The following USP45 variants were observed in gnomAD, a reference collection of about 807,000 sequenced individuals.
USP45 encodes the protein ubiquitin carboxyl-terminal hydrolase 45.
Under a neutral mutation model 95.8 loss-of-function variants are expected in USP45, and 89 were observed. The ratio of observed to expected loss-of-function variants is 0.93; its 90% CI spans 0.78 to 1.11. The LOEUF is 1.11. Ranked by LOEUF, USP45 falls within the 50% of genes least tolerant of loss-of-function variation. The probability of loss-of-function intolerance (pLI) is 0.00; values close to 1 mark genes in which losing one functional copy is unlikely to be tolerated. For missense variants in USP45, 898 were observed against 942.5 expected (o/e 0.95, Z 0.62); for synonymous variants, 281 against 316.2 (o/e 0.89, Z 1.18).
intron 5 of USP45, among the ~76,000 whole-genome samples, chr6:99,502,413 G>A (rs1797585413): frequency 6.6e-6 from 1 of 152,132 alleles, no homozygotes; most frequent in African/African-American, 2.4e-5. Context: ...AGAAATGGTA[G>A]GAACCCCCAA....
Position 99,455,869 on chromosome 6 carries a change from T to C in USP45, c.1308+8735A>G, listed in dbSNP as rs1784940490. ...AAAAAGTTGGGGCAGGCGCAGTGGC[T>C]CACACCTGTAATCCCAGCACTTTGG... On this transcript the variant is annotated intron_variant, in intron 13 of 17. Transcript: ENST00000500704. Among the ~76,000 whole-genome samples the C allele has an allele frequency of 3.7e-5, 5 of 133,912 alleles. 1 individual carries two copies. In the South Asian group the frequency reaches 1.3e-3, roughly 35 times the overall value. The allele number at this position is 133,912 out of a possible 152,430, so 87.9% of individuals were successfully genotyped here.
intron 13 of USP45, among the ~76,000 whole-genome samples, chr6:99,457,203 T>C (rs1785296338): frequency 6.6e-6 from 1 of 152,230 alleles, no homozygotes; most frequent in African/African-American, 2.4e-5. Flanking sequence ...GGTCCTGTGA[T>C]CTTGCCCTGC....
At chr6:99,509,696 C>T (rs1395640340) in intron 2 of USP45, among the ~76,000 whole-genome samples, 6 of 144,094 alleles carry the variant, frequency 4.2e-5, no homozygotes, top group Admixed American at 3.5e-4. Context: ...ATAAACTAAA[C>T]AAAATCCTAA....
intron 9 of USP45, among the ~76,000 whole-genome samples, chr6:99,474,115 A>C (rs1790205315): frequency 6.6e-6 from 1 of 152,234 alleles, no homozygotes; most frequent in Non-Finnish European, 1.5e-5. Flanking sequence ...GAAACTTTAA[A>C]GAAAATATTA....
chr6:99,479,449 A>G (rs1583256960), intron 8 of USP45, among the ~76,000 whole-genome samples: 1 of 151,508 alleles, frequency 6.6e-6, no homozygotes, highest in South Asian at 2.1e-4. Context: ...CAGTTCTCCC[A>G]CCTTGGCTCC....
chr6:99,486,566 T>C (rs1255972493), intron 7 of USP45, among the ~76,000 whole-genome samples: 1 of 151,598 alleles, frequency 6.6e-6, no homozygotes, highest in Non-Finnish European at 1.5e-5. Flanking sequence ...TTTTCGACTA[T>C]ATATACATAT....
chr6:99,464,522 G>A, intron 13 of USP45, 82 bp downstream of exon 13: 2 of 1,459,498 alleles, frequency 1.4e-6, no homozygotes, highest in East Asian at 2.3e-5. Context: ...ATTACACTAT[G>A]TTCTCTACTT....
At chr6:99,506,617 G>A (rs1457058248) in intron 4 of USP45, among the ~76,000 whole-genome samples, 1 of 152,060 alleles carries the variant, frequency 6.6e-6, no homozygotes, top group East Asian at 1.9e-4. Context: ...CAAAAAACTT[G>A]TTTTAGTACC....
chr6:99,439,145 A>G (rs1781052167), intron 16 of USP45, among the ~76,000 whole-genome samples: 2 of 152,198 alleles, frequency 1.3e-5, no homozygotes, highest in Admixed American at 1.3e-4. Context: ...ACATACTACA[A>G]AATCTAGACT....
intron 13 of USP45, chr6:99,461,817 T>C (rs1206140069): frequency 2.7e-5 from 27 of 982,722 alleles, no homozygotes; most frequent in Non-Finnish European, 3.3e-5. Context: ...CTATAAAGTT[T>C]GTCACAAATA....
At chr6:99,514,927 G>A (rs1800805882) in intron 1 of USP45, 1 of 152,208 alleles carries the variant, frequency 6.6e-6, no homozygotes, top group Non-Finnish European at 1.5e-5. Flanking sequence ...GTGACTTGCA[G>A]AGGTCCCAAA....
At position 99,507,580 on chromosome 6, in the gene USP45, C is replaced by T. The variant is rs752842432; in HGVS notation, c.274-49G>A. ...TTGTATGACTTACAAATGTTTGTTTCAAATTAATCAAAACTTAAATTATAC... is the reference window on the plus strand; with the variant it reads ...TTGTATGACTTACAAATGTTTGTTTTAAATTAATCAAAACTTAAATTATAC... On this transcript the variant is annotated intron_variant, in intron 3 of 17. Coordinates refer to ENST00000500704, the MANE Select transcript of USP45 (RefSeq NM_001346022.3). The T allele has an allele frequency of 6.2e-6, 8 of 1,289,318 alleles. No homozygotes were observed. The African/African-American group carries it at 8.8e-5, about 14-fold the overall frequency. The allele number at this position is 1,289,318 out of a possible 1,614,324, so 79.9% of individuals were successfully genotyped here.
At chr6:99,489,254 T>C (rs1279450562) in intron 5 of USP45, among the ~76,000 whole-genome samples, 1 of 152,174 alleles carries the variant, frequency 6.6e-6, no homozygotes, top group Admixed American at 6.5e-5. Context: ...TCAAAATGTG[T>C]GATTGGGAAT....
At position 99,502,000 on chromosome 6, in the gene USP45, G is replaced by C. The variant is rs762349637; in HGVS notation, c.478+1765C>G. ...TATGCTGAAGAGATGAATCAGGATGGGGCCTGGCCCTGCCAGAAAGACCAA... is the reference window on the plus strand; with the variant it reads ...TATGCTGAAGAGATGAATCAGGATGCGGCCTGGCCCTGCCAGAAAGACCAA... On this transcript the variant is annotated intron_variant, in intron 5 of 17. Coordinates refer to ENST00000500704, the MANE Select transcript of USP45 (RefSeq NM_001346022.3). The C allele has an allele frequency of 1.2e-5, 15 of 1,300,840 alleles. 1 individual carries two copies. In the South Asian group the frequency reaches 1.9e-4, roughly 16 times the overall value. 80.6% of individuals were successfully genotyped at this position (1,300,840 alleles called of 1,614,324 possible).
At chr6:99,438,638 G>C (rs1780959261) in intron 16 of USP45, among the ~76,000 whole-genome samples, 1 of 152,116 alleles carries the variant, frequency 6.6e-6, no homozygotes, top group African/African-American at 2.4e-5. Flanking sequence ...TTGAAAATAT[G>C]AACACTAGGT....
At chr6:99,501,047 C>T (rs1206057576) in intron 5 of USP45, among the ~76,000 whole-genome samples, 1 of 152,162 alleles carries the variant, frequency 6.6e-6, no homozygotes, top group African/African-American at 2.4e-5. Context: ...TCAAAGGCAA[C>T]TCAAAATTAT....
At position 99,476,185 on chromosome 6, in the gene USP45, A is replaced by C; in HGVS notation, c.891T>G (p.Leu297=). Residue 297 remains leucine, a synonymous_variant, in exon 9 of 18, where the codon CTT becomes CTG. Coordinates refer to ENST00000500704, the MANE Select transcript of USP45 (RefSeq NM_001346022.3). ...TCACTGCATCCAGAAGATAATGAAG[A>C]AGCTCCTGACTGTCCTGTTGCTGGA... The part of the protein sequence containing the change: ...KDFQQQDSQE[L]LHYLLDAVRT... 5 of 1,614,108 alleles carry C rather than the reference A, an allele frequency of 3.1e-6. No homozygotes were observed. Among genetic ancestry groups the C allele is most frequent in the Non-Finnish European group, 3.4e-6 (4 of 1,179,980 alleles).
intron 7 of USP45, among the ~76,000 whole-genome samples, chr6:99,487,825 C>T (rs1440956709): frequency 6.6e-6 from 1 of 151,882 alleles, no homozygotes; most frequent in Non-Finnish European, 1.5e-5. Flanking sequence ...TAGATGCTCA[C>T]TATTAAAATT....
At position 99,472,652 on chromosome 6, in the gene USP45, TA is replaced by T. The variant is rs1270745331; in HGVS notation, c.933+3490del. Among the ~76,000 whole-genome samples the T allele has an allele frequency of 2.2e-4, 33 of 152,322 alleles. No individual in the cohort carries two copies. In the East Asian group the frequency reaches 6.2e-3, roughly 28 times the overall value. On this transcript the variant is annotated intron_variant, in intron 9 of 17. Coordinates refer to ENST00000500704, the MANE Select transcript of USP45 (RefSeq NM_001346022.3). ...ATCTTAAAGTAACTCATATCATCTGTAGGCCCATTTATTGTTCACAATACAA... is the reference window on the plus strand; with the variant it reads ...ATCTTAAAGTAACTCATATCATCTGTGGCCCATTTATTGTTCACAATACAA...
Sources: allele counts gnomAD v4.1 joint callset (sites outside exome capture counted in the v4.1 genomes callset), GRCh38; gene constraint gnomAD v4.1.1; transcripts MANE v1.5; gene names NCBI Gene and HGNC (gene_info 2026-07-23, HGNC 2026-07-21).